Variants in SLC41A2 observed in about 807,000 individuals in gnomAD.
SLC41A2 encodes solute carrier family 41 member 2, also known as SLC41A1-like 1.
SLC41A2 carries 32 observed loss-of-function variants against 58.3 expected under a neutral mutation model. The ratio of observed to expected loss-of-function variants is 0.55; its 90% CI spans 0.41 to 0.74. SLC41A2 has a LOEUF of 0.74. SLC41A2 is among the 30% of genes least tolerant of loss of function. The pLI, the probability that SLC41A2 is intolerant of heterozygous loss-of-function variation, is 0.00. For missense variants in SLC41A2, 514 were observed against 680.6 expected (o/e 0.76, Z 2.72); for synonymous variants, 190 against 235.0 (o/e 0.81, Z 1.75).
intron 3 of SLC41A2, among the ~76,000 whole-genome samples, chr12:104,907,813 G>A (rs1056690462): frequency 2.6e-5 from 4 of 152,142 alleles, no homozygotes; most frequent in African/African-American, 9.7e-5. Context: ...AGATATCACT[G>A]GAAAGCAGTT....
At chr12:104,904,321 C>G (rs903298900) in intron 3 of SLC41A2, among the ~76,000 whole-genome samples, 1 of 152,150 alleles carries the variant, frequency 6.6e-6, no homozygotes, top group African/African-American at 2.4e-5. Flanking sequence ...CTAAAGGCAC[C>G]TTTTAACTCC....
At chr12:104,942,861 A>C (rs867205056) in intron 1 of SLC41A2, among the ~76,000 whole-genome samples, 1 of 152,234 alleles carries the variant, frequency 6.6e-6, no homozygotes, top group Non-Finnish European at 1.5e-5. Context: ...ACACGAAATA[A>C]TGAGTTCCCT....
At chr12:104,818,596 C>G (rs558874781) in intron 10 of SLC41A2, among the ~76,000 whole-genome samples, 1 of 152,046 alleles carries the variant, frequency 6.6e-6, no homozygotes, top group Non-Finnish European at 1.5e-5. Context: ...GAAAACAGGA[C>G]AGCCGGGTGC....
At chr12:104,885,864 ATTTT>A (rs2044632776) in intron 6 of SLC41A2, among the ~76,000 whole-genome samples, 1 of 152,042 alleles carries the variant, frequency 6.6e-6, no homozygotes, top group Non-Finnish European at 1.5e-5. Context: ...CCATTGGTAA[ATTTT>A]AAGTACCACT....
chr12:104,888,061 G>T (rs1296556797), intron 5 of SLC41A2, among the ~76,000 whole-genome samples: 1 of 151,786 alleles, frequency 6.6e-6, no homozygotes, highest in Admixed American at 6.6e-5. Flanking sequence ...AGAAGCAAAT[G>T]AGCCTAAAAA....
At chr12:104,923,145 G>C (rs557393553) in intron 2 of SLC41A2, among the ~76,000 whole-genome samples, 1 of 145,780 alleles carries the variant, frequency 6.9e-6, no homozygotes, top group Non-Finnish European at 1.5e-5. Context: ...TGTGGGTCAC[G>C]AGGTCAGGAG....
intron 2 of SLC41A2, among the ~76,000 whole-genome samples, chr12:104,922,384 T>C (rs2046637988): frequency 6.6e-6 from 1 of 151,962 alleles, no homozygotes; most frequent in African/African-American, 2.4e-5. Context: ...TTATGCTAGA[T>C]AGAATAGACT....
intron 7 of SLC41A2, among the ~76,000 whole-genome samples, chr12:104,864,992 G>A (rs1008309330): frequency 6.6e-6 from 1 of 151,986 alleles, no homozygotes; most frequent in African/African-American, 2.4e-5. Context: ...CTGTTTAAGG[G>A]GCACTGCAAG....
intron 1 of SLC41A2, among the ~76,000 whole-genome samples, chr12:104,934,866 G>A (rs189338019): frequency 3.5e-4 from 54 of 152,270 alleles, no homozygotes; most frequent in South Asian, 2.1e-4. Flanking sequence ...TACAATGGGC[G>A]GTGGGGAGGA....
At chr12:104,953,590 A>G (rs1197152399) in intron 1 of SLC41A2, among the ~76,000 whole-genome samples, 2 of 152,196 alleles carry the variant, frequency 1.3e-5, no homozygotes, top group African/African-American at 2.4e-5. Flanking sequence ...TCTAACTGCT[A>G]TAAGATAAGC....
chr12:104,895,785 A>G (rs111752081), intron 3 of SLC41A2, among the ~76,000 whole-genome samples: 12 of 152,310 alleles, frequency 7.9e-5, no homozygotes, highest in African/African-American at 2.9e-4. Flanking sequence ...AATCATTCAC[A>G]TGTATACAAT....
rs1471191957 is a variant in SLC41A2 at position 104,866,373 on chromosome 12, G to GACGTACACACAC, written c.1175+58_1175+59insGTGTGTGTACGT. The GACGTACACACAC allele has an allele frequency of 5.6e-6, 8 of 1,436,648 alleles. No individual in the cohort carries two copies. In the African/African-American group the frequency reaches 1.2e-4, roughly 22 times the overall value. The allele number at this position is 1,436,648 out of a possible 1,614,324, so 89.0% of individuals were successfully genotyped here. ...TGCTTATAGAAGACACACAAAGACA[G>GACGTACACACAC]ACAGACGTACACACACACACACACA... On this transcript the variant is annotated intron_variant, in intron 7 of 10. Transcript: ENST00000258538.
chr12:104,892,028 A>C (rs2045002112), intron 4 of SLC41A2, among the ~76,000 whole-genome samples: 1 of 152,152 alleles, frequency 6.6e-6, no homozygotes, highest in African/African-American at 2.4e-5. Flanking sequence ...GGCCGGGAGC[A>C]GTGGCTCACA....
At chr12:104,867,038 C>T (rs185242202) in intron 6 of SLC41A2, among the ~76,000 whole-genome samples, 180 of 151,958 alleles carry the variant, frequency 1.2e-3, no homozygotes, top group African/African-American at 4.3e-3. Context: ...TAGGGAGAGC[C>T]GGAAGAAAAT....
chr12:104,875,475 G>T (rs1383447349), intron 6 of SLC41A2, among the ~76,000 whole-genome samples: 1 of 152,066 alleles, frequency 6.6e-6, no homozygotes, highest in Non-Finnish European at 1.5e-5. Context: ...TGGAAAATTG[G>T]TATCAGGTGA....
chr12:104,889,273 A>G, intron 4 of SLC41A2, 96 bp from the exon 5 acceptor site: 1 of 1,257,870 alleles, frequency 7.9e-7, no homozygotes, highest in Non-Finnish European at 1.1e-6. Context: ...AGTCAAAAAA[A>G]GTATTGCATG....
At chr12:104,931,211 C>T (rs536957988) in intron 1 of SLC41A2, among the ~76,000 whole-genome samples, 1 of 152,264 alleles carries the variant, frequency 6.6e-6, no homozygotes, top group South Asian at 2.1e-4. Flanking sequence ...GCTTAAAAGA[C>T]AAAAAACATA....
At chr12:104,929,716 C>CTTCCAAGAGCA (rs1478273385) in intron 1 of SLC41A2, among the ~76,000 whole-genome samples, 2 of 152,258 alleles carry the variant, frequency 1.3e-5, no homozygotes, top group Non-Finnish European at 2.9e-5. Flanking sequence ...CTGTCTTATA[C>CTTCCAAGAGCA]TTCCAAGAGC....
intron 1 of SLC41A2, among the ~76,000 whole-genome samples, chr12:104,948,499 T>A (rs2135972889): frequency 6.6e-6 from 1 of 152,340 alleles, no homozygotes; most frequent in South Asian, 2.1e-4. Flanking sequence ...CCTCATTTTA[T>A]CTTTTGTAAA....
Sources: gnomAD v4.1 joint callset for allele counts (sites outside exome capture counted in the v4.1 genomes callset) on GRCh38, gnomAD v4.1.1 for gene constraint, MANE v1.5 for transcripts, NCBI Gene and HGNC (gene_info 2026-07-23, HGNC 2026-07-21) for gene names.